The following SDK2 variants were observed in gnomAD, a reference collection of about 807,000 sequenced individuals.
SDK2 encodes the protein sidekick cell adhesion molecule 2.
SDK2 carries 105 observed loss-of-function variants against 253.9 expected under a neutral mutation model. That is an observed-to-expected ratio of 0.41 (90% confidence interval 0.35 to 0.49). The LOEUF is 0.49. SDK2 is among the 20% of genes least tolerant of loss of function. The probability of loss-of-function intolerance (pLI) is 0.06; values close to 1 mark genes in which losing one functional copy is unlikely to be tolerated. For synonymous variants in SDK2, 1,249 were observed against 1,234.9 expected, an observed-to-expected ratio of 1.01 and a Z score of -0.24; for missense variants, 2,608 against 3,003.0, an observed-to-expected ratio of 0.87 and a Z score of 3.07.
chr17:73,452,137 C>A (rs539316981), intron 4 of SDK2, among the ~76,000 whole-genome samples: 1 of 152,104 alleles, frequency 6.6e-6, no homozygotes, highest in Non-Finnish European at 1.5e-5. Flanking sequence ...TGTCCAAAGC[C>A]CCCAGCATGC....
At chr17:73,552,784 C>T (rs528738499) in intron 1 of SDK2, among the ~76,000 whole-genome samples, 13 of 152,322 alleles carry the variant, frequency 8.5e-5, no homozygotes, top group African/African-American at 2.6e-4. Flanking sequence ...GTTCCCTAAG[C>T]GACTTCATCT....
intron 2 of SDK2, among the ~76,000 whole-genome samples, chr17:73,488,601 TTTTTTTTC>T (rs2063784279): frequency 6.6e-6 from 1 of 152,034 alleles, no homozygotes. Context: ...ACTTTTTTTT[TTTTTTTTC>T]CAATTTCCGA....
chr17:73,413,931 C>T (rs1362709912), intron 18 of SDK2, among the ~76,000 whole-genome samples: 1 of 152,118 alleles, frequency 6.6e-6, no homozygotes, highest in Non-Finnish European at 1.5e-5. Context: ...TCGAGTACAG[C>T]CTGGGGATAC....
intron 3 of SDK2, among the ~76,000 whole-genome samples, chr17:73,468,670 C>A (rs907696771): frequency 6.6e-6 from 1 of 151,480 alleles, no homozygotes; most frequent in African/African-American, 2.4e-5. Flanking sequence ...TGCCACCACG[C>A]CTGGCTAATT....
intron 37 of SDK2, among the ~76,000 whole-genome samples, chr17:73,366,382 G>C (rs180803215): frequency 3.7e-4 from 57 of 152,246 alleles, no homozygotes; most frequent in African/African-American, 1.3e-3. Flanking sequence ...AGCAGCTCAC[G>C]CTCATTCTGG....
chr17:73,360,084 C>T (rs1406700589), intron 39 of SDK2, among the ~76,000 whole-genome samples: 1 of 152,234 alleles, frequency 6.6e-6, no homozygotes, highest in Non-Finnish European at 1.5e-5. Context: ...CTCTCCTGTC[C>T]CCAGGCCACT....
At chr17:73,463,410 C>T (rs1157961272) in intron 3 of SDK2, among the ~76,000 whole-genome samples, 1 of 152,084 alleles carries the variant, frequency 6.6e-6, no homozygotes, top group Non-Finnish European at 1.5e-5. Context: ...GTCACGCATA[C>T]AAAAGAGCAA....
chr17:73,546,102 C>T (rs562500623), intron 1 of SDK2, among the ~76,000 whole-genome samples: 9 of 121,738 alleles, frequency 7.4e-5, no homozygotes, highest in East Asian at 4.7e-4. Flanking sequence ...GGAGTGCTGT[C>T]GGGGGCGGGG....
chr17:73,560,319 G>A (rs1443254164), intron 1 of SDK2, among the ~76,000 whole-genome samples: 1 of 152,158 alleles, frequency 6.6e-6, no homozygotes, highest in Non-Finnish European at 1.5e-5. Flanking sequence ...ACCCGACCGT[G>A]CCTCGCATTA....
chr17:73,573,607 T>G (rs927241983), intron 1 of SDK2, among the ~76,000 whole-genome samples: 2 of 152,164 alleles, frequency 1.3e-5, no homozygotes, highest in Non-Finnish European at 2.9e-5. Context: ...CCACCCATGT[T>G]GCCATCACCC....
intron 40 of SDK2, among the ~76,000 whole-genome samples, chr17:73,355,174 A>ATTTT (rs770032791): frequency 1.9e-3 from 90 of 47,100 alleles, no homozygotes; most frequent in Non-Finnish European, 2.6e-3. Flanking sequence ...ATATATATAT[A>ATTTT]TTTTTTTTTT....
At chr17:73,604,190 C>T (rs2045878229) in intron 1 of SDK2, among the ~76,000 whole-genome samples, 1 of 152,224 alleles carries the variant, frequency 6.6e-6, no homozygotes. Context: ...TGCTCACACA[C>T]ACTCTCTTGA....
In SDK2 at chr17:73,353,450, C is replaced by G. The variant is rs572205011; in HGVS notation, c.5594-813G>C. Among the ~76,000 whole-genome samples the G allele has an allele frequency of 1.4e-4, 21 of 152,218 alleles. 1 individual carries two copies. In the South Asian group the frequency reaches 4.4e-3, roughly 32 times the overall value. On this transcript the variant is annotated intron_variant, in intron 40 of 44. Coordinates refer to ENST00000392650, the MANE Select transcript of SDK2 (RefSeq NM_001144952.2). ...TTTTCTTTGTTTCGAGACAGAGTTT[C>G]GCTCTTGTTGCCCAGGCTGGAGTGC...
intron 1 of SDK2, among the ~76,000 whole-genome samples, chr17:73,510,401 C>A (rs770318499): frequency 6.6e-5 from 10 of 152,202 alleles, no homozygotes; most frequent in Non-Finnish European, 8.8e-5. Flanking sequence ...TGGGGACCAC[C>A]AGAGGGGCAA....
In SDK2 at chr17:73,393,612, G is replaced by T. The variant is rs764950234; in HGVS notation, c.3846C>A (p.Ile1282=). The change falls in exon 27 of 45, where the codon ATC becomes ATA. Residue 1282 remains isoleucine, a synonymous_variant. Transcript: ENST00000392650. ...YEVQVLAFTR[I]GDGSPSHPPI... is the part of the protein sequence containing the mutation. ...GAGGGTGGCTGGGGCTGCCGTCCCC[G>T]ATGCGTGTGAAGGCCAGCACCTGGA... is the stretch of plus-strand genomic sequence containing the variant. 11 of 1,587,170 alleles carry T rather than the reference G, an allele frequency of 6.9e-6. No homozygotes were observed. In the South Asian group the frequency reaches 1.3e-4, roughly 18 times the overall value.
chr17:73,393,759 C>G lies in SDK2; in HGVS notation c.3709-10G>C. 6.4e-7 allele frequency: 1 copy of G among 1,553,454 alleles called. No individual in the cohort carries two copies. Among genetic ancestry groups the G allele is most frequent in the Non-Finnish European group, 8.8e-7 (1 of 1,140,694 alleles). ...TCTCCTTATACATCACCTGTCAGGG[C>G]CCAGCACAGGGTGAGGGCCTCAGGC... On this transcript the variant is annotated splice_polypyrimidine_tract_variant and intron_variant, in intron 26 of 44. Coordinates refer to ENST00000392650, the MANE Select transcript of SDK2 (RefSeq NM_001144952.2).
At chr17:73,341,565 A>G (rs774219447) in intron 44 of SDK2, among the ~76,000 whole-genome samples, 1 of 152,188 alleles carries the variant, frequency 6.6e-6, no homozygotes, top group Non-Finnish European at 1.5e-5. Flanking sequence ...GCAGTTAGCG[A>G]ATCACAGCAA....
intron 36 of SDK2, among the ~76,000 whole-genome samples, chr17:73,376,883 C>T (rs902733373): frequency 1.3e-5 from 2 of 152,122 alleles, no homozygotes; most frequent in East Asian, 1.9e-4. Flanking sequence ...TCCTCCTTCA[C>T]CCCAGATGGA....
chr17:73,390,498 C>T lies in SDK2; in HGVS notation c.3998-17G>A. The T allele has an allele frequency of 6.2e-7, 1 of 1,600,910 alleles. No individual in the cohort carries two copies. The highest frequency in any genetic ancestry group is 8.5e-7 in the Non-Finnish European group (1 of 1,171,748). ...TCTGGTAAGCTGTGGGAAGGAAGCA[C>T]ATGGCTATTATGGCAAGCAAGGCAA... On this transcript the variant is annotated splice_polypyrimidine_tract_variant and intron_variant, in intron 28 of 44. Transcript: ENST00000392650.
Sources: allele counts gnomAD v4.1 joint callset (sites outside exome capture counted in the v4.1 genomes callset), GRCh38; gene constraint gnomAD v4.1.1; transcripts MANE v1.5; gene names NCBI Gene and HGNC (gene_info 2026-07-23, HGNC 2026-07-21).